Variants in CDK7 observed in about 807,000 individuals in gnomAD.
CDK7 encodes cyclin-dependent kinase 7.
CDK7 carries 25 observed loss-of-function variants against 49.1 expected under a neutral mutation model. The observed-to-expected ratio is 0.51, with a 90% CI of 0.37 to 0.71. CDK7 has a LOEUF of 0.71. CDK7 is among the 30% of genes least tolerant of loss of function. CDK7 has a pLI of 0.00. For synonymous variants in CDK7, 107 were observed against 140.0 expected (o/e 0.76, Z 1.67); for missense variants, 316 against 411.7 (o/e 0.77, Z 2.01).
chr5:69,248,286 A>G (rs560742606), intron 2 of CDK7, among the ~76,000 whole-genome samples: 13 of 152,260 alleles, frequency 8.5e-5, no homozygotes, highest in Admixed American at 8.5e-4. Context: ...TAAAGTTTCT[A>G]CTGAAAAGTC....
At position 69,247,214 on chromosome 5, in the gene CDK7, T is replaced by C. The variant is rs528085048; in HGVS notation, c.127-5204T>C. On this transcript the variant is annotated intron_variant, in intron 2 of 11. Coordinates refer to ENST00000256443, the MANE Select transcript of CDK7 (RefSeq NM_001799.4). ...GGGGTGTTGAAGCCTCCACCTATTA[T>C]TGTATGGGGTCTGCCTCTTTAGTGC... Among the ~76,000 whole-genome samples, 5 of 152,332 alleles carry C rather than the reference T, an allele frequency of 3.3e-5. No homozygotes were observed. The South Asian group carries it at 1.0e-3, about 32-fold the overall frequency.
intron 2 of CDK7, among the ~76,000 whole-genome samples, chr5:69,250,404 A>G (rs948700416): frequency 1.3e-5 from 2 of 152,276 alleles, no homozygotes; most frequent in African/African-American, 4.8e-5. Context: ...CTGTATTACC[A>G]TTCTTTCTTC....
intron 2 of CDK7, among the ~76,000 whole-genome samples, chr5:69,242,368 A>T (rs1749451167): frequency 6.6e-6 from 1 of 152,138 alleles, no homozygotes; most frequent in South Asian, 2.1e-4. Flanking sequence ...GCCCTGACTC[A>T]GTTCCTAAGT....
intron 2 of CDK7, among the ~76,000 whole-genome samples, chr5:69,251,280 A>T (rs1041237081): frequency 2.0e-5 from 3 of 151,816 alleles, no homozygotes; most frequent in Non-Finnish European, 4.4e-5. Context: ...GTATTTTTTT[A>T]ATAGAGACGG....
At chr5:69,268,299 A>C (rs918107663) in intron 8 of CDK7, among the ~76,000 whole-genome samples, 1 of 151,878 alleles carries the variant, frequency 6.6e-6, no homozygotes, top group Admixed American at 6.6e-5. Context: ...ACTGCTTACC[A>C]CCTCCACCTA....
chr5:69,244,849 T>TA (rs1354645930), intron 2 of CDK7, among the ~76,000 whole-genome samples: 2 of 152,120 alleles, frequency 1.3e-5, no homozygotes, highest in East Asian at 3.9e-4. Context: ...TATGTTGAGA[T>TA]ATGTTCTTCT....
chr5:69,237,002 C>A (rs1330444715), intron 2 of CDK7, among the ~76,000 whole-genome samples: 2 of 110,970 alleles, frequency 1.8e-5, no homozygotes, highest in East Asian at 5.8e-4. Flanking sequence ...TTTTTTATGT[C>A]CGTGTTTTCT....
intron 2 of CDK7, among the ~76,000 whole-genome samples, chr5:69,246,052 TGGCGAAA>T (rs1749731701): frequency 6.6e-6 from 1 of 152,168 alleles, no homozygotes; most frequent in Non-Finnish European, 1.5e-5. Context: ...GACTTAATCA[TGGCGAAA>T]GGTGAAAGGG....
chr5:69,251,830 C>T (rs893951426), intron 2 of CDK7, among the ~76,000 whole-genome samples: 9 of 152,296 alleles, frequency 5.9e-5, no homozygotes, highest in South Asian at 2.1e-4. Context: ...CACTACACCC[C>T]GCCAGTCTTT....
In CDK7 at chr5:69,254,675, T is replaced by A. The variant is rs1209055303; in HGVS notation, c.228+6T>A. 6.9e-7 allele frequency: 1 copy of A among 1,450,814 alleles called. No individual in the cohort carries two copies. The highest frequency in any genetic ancestry group is 1.1e-5 in the South Asian group (1 of 87,652). 89.9% of individuals were successfully genotyped at this position (1,450,814 alleles called of 1,614,324 possible). ...GTCATCCAAATATAATTGGTGTGAG[T>A]ATGATCAAAACTGTTACTGGGATTT... On this transcript the variant is annotated splice_donor_region_variant and intron_variant, in intron 4 of 11. Transcript: ENST00000256443.
At chr5:69,263,897 C>A (rs547374635) in intron 8 of CDK7, among the ~76,000 whole-genome samples, 21 of 152,286 alleles carry the variant, frequency 1.4e-4, no homozygotes, top group African/African-American at 5.1e-4. Flanking sequence ...AATTTATTAG[C>A]CATTGGCATT....
chr5:69,237,812 ATGG>A (rs1293401631), intron 2 of CDK7, among the ~76,000 whole-genome samples: 1 of 152,158 alleles, frequency 6.6e-6, no homozygotes, highest in Admixed American at 6.6e-5. Flanking sequence ...TTAGCCAGGC[ATGG>A]TGCCCCTGCT....
At chr5:69,237,132 G>A (rs563645000) in intron 2 of CDK7, among the ~76,000 whole-genome samples, 2 of 151,500 alleles carry the variant, frequency 1.3e-5, no homozygotes, top group African/African-American at 2.4e-5. Flanking sequence ...TCACTCTGTC[G>A]CCCAGGTGGA....
At chr5:69,258,601 C>T (rs1384387804) in intron 6 of CDK7, among the ~76,000 whole-genome samples, 2 of 152,104 alleles carry the variant, frequency 1.3e-5, no homozygotes, top group African/African-American at 2.4e-5. Flanking sequence ...CCAGAATGGT[C>T]TCGATCTCCT....
intron 2 of CDK7, among the ~76,000 whole-genome samples, chr5:69,238,285 CTTTT>C (rs11291825): frequency 4.6e-5 from 6 of 130,014 alleles, no homozygotes; most frequent in Admixed American, 1.6e-4. Flanking sequence ...TTTTTTTTTC[CTTTT>C]TTTTTTTTTT....
chr5:69,264,822 T>C (rs1751038993), intron 8 of CDK7, among the ~76,000 whole-genome samples: 1 of 151,046 alleles, frequency 6.6e-6, no homozygotes, highest in African/African-American at 2.4e-5. Context: ...AATGCAAAAT[T>C]AGTTGGGTTT....
At chr5:69,248,503 T>C (rs1349459121) in intron 2 of CDK7, among the ~76,000 whole-genome samples, 1 of 152,136 alleles carries the variant, frequency 6.6e-6, no homozygotes, top group Non-Finnish European at 1.5e-5. Context: ...TTCTCCTGCC[T>C]CAGCCTTCCC....
At chr5:69,258,562 T>G (rs1750631728) in intron 6 of CDK7, among the ~76,000 whole-genome samples, 1 of 151,998 alleles carries the variant, frequency 6.6e-6, no homozygotes, top group South Asian at 2.1e-4. Context: ...TTGTATTTTT[T>G]TAGTAGAGAC....
At chr5:69,247,653 C>T (rs1749846217) in intron 2 of CDK7, among the ~76,000 whole-genome samples, 1 of 151,762 alleles carries the variant, frequency 6.6e-6, no homozygotes, top group Non-Finnish European at 1.5e-5. Flanking sequence ...GTCTTTCCTT[C>T]CTTCTGTCCT....
Sources: gnomAD v4.1 joint callset for allele counts (sites outside exome capture counted in the v4.1 genomes callset) on GRCh38, gnomAD v4.1.1 for gene constraint, MANE v1.5 for transcripts, NCBI Gene and HGNC (gene_info 2026-07-23, HGNC 2026-07-21) for gene names.